Variants in ADAMTS19 observed in about 807,000 individuals in gnomAD.
The protein encoded by ADAMTS19 is A disintegrin and metalloproteinase with thrombospondin motifs 19.
A neutral mutation model predicts 153.3 loss-of-function variants in ADAMTS19; 93 were observed. The ratio of observed to expected loss-of-function variants is 0.61; its 90% CI spans 0.51 to 0.72. The LOEUF is 0.72. Among genes scored for constraint, ADAMTS19 ranks in the 30% least tolerant of loss-of-function variants. ADAMTS19 has a pLI of 0.00. For synonymous variants in ADAMTS19, 600 were observed against 556.6 expected (o/e 1.08, Z -1.10); for missense variants, 1,482 against 1,552.1 (o/e 0.95, Z 0.76).
intron 2 of ADAMTS19, among the ~76,000 whole-genome samples, chr5:129,473,486 AC>A (rs1364075406): frequency 6.6e-6 from 1 of 152,140 alleles, no homozygotes; most frequent in African/African-American, 2.4e-5. Flanking sequence ...AGTAAATAGA[AC>A]TTTAAACTTT....
At chr5:129,476,713 A>C (rs1750238825) in intron 2 of ADAMTS19, among the ~76,000 whole-genome samples, 1 of 152,172 alleles carries the variant, frequency 6.6e-6, no homozygotes, top group Non-Finnish European at 1.5e-5. Flanking sequence ...AATGTTAGGG[A>C]AATAAAGACC....
At chr5:129,574,526 G>A (rs1754033298) in intron 7 of ADAMTS19, among the ~76,000 whole-genome samples, 1 of 151,962 alleles carries the variant, frequency 6.6e-6, no homozygotes. Context: ...AACATGCAAT[G>A]TTTGGTTTTC....
intron 3 of ADAMTS19, among the ~76,000 whole-genome samples, chr5:129,517,502 T>G (rs1279295482): frequency 6.6e-6 from 1 of 151,972 alleles, no homozygotes; most frequent in Non-Finnish European, 1.5e-5. Context: ...AATTGTTATA[T>G]CCTCTTGTTG....
At chr5:129,653,799 T>C (rs914555744) in intron 13 of ADAMTS19, among the ~76,000 whole-genome samples, 1 of 152,160 alleles carries the variant, frequency 6.6e-6, no homozygotes, top group African/African-American at 2.4e-5. Context: ...TTTCTCCCTT[T>C]AGACATTTTT....
At chr5:129,485,732 TA>T (rs1485275709) in intron 2 of ADAMTS19, among the ~76,000 whole-genome samples, 3 of 152,290 alleles carry the variant, frequency 2.0e-5, no homozygotes, top group African/African-American at 4.8e-5. Flanking sequence ...AAATACATAT[TA>T]AAAATTAATT....
chr5:129,507,117 G>A (rs569308195), intron 2 of ADAMTS19, among the ~76,000 whole-genome samples: 132 of 151,948 alleles, frequency 8.7e-4, no homozygotes, highest in African/African-American at 3.0e-3. Context: ...TGGTTGAAAG[G>A]ATGTATAGAA....
chr5:129,504,030 A>ATTC (rs1751190773), intron 2 of ADAMTS19, among the ~76,000 whole-genome samples: 1 of 152,214 alleles, frequency 6.6e-6, no homozygotes, highest in African/African-American at 2.4e-5. Flanking sequence ...CTTATATCCT[A>ATTC]AGATATTCAA....
At chr5:129,597,844 G>A (rs1456784162) in intron 8 of ADAMTS19, among the ~76,000 whole-genome samples, 1 of 150,912 alleles carries the variant, frequency 6.6e-6, no homozygotes, top group African/African-American at 2.4e-5. Context: ...AGAGGTTGCA[G>A]TGAGCTGAGA....
intron 2 of ADAMTS19, among the ~76,000 whole-genome samples, chr5:129,468,428 A>G (rs1358851531): frequency 2.0e-5 from 3 of 152,182 alleles, no homozygotes; most frequent in African/African-American, 4.8e-5. Flanking sequence ...ATGTCGGCTC[A>G]CTGCAGCTTC....
rs186083330 is a variant in ADAMTS19 at position 129,599,350 on chromosome 5, T to C, written c.1478+2686T>C. On this transcript the variant is annotated intron_variant, in intron 8 of 22. Coordinates refer to ENST00000274487, the MANE Select transcript of ADAMTS19 (RefSeq NM_133638.6). ...ATAATTAATTTTACAAAGATACATG[T>C]CATCATAAATATAATTCTCATAAAA... 2.4e-4 allele frequency among the ~76,000 whole-genome samples: 36 copies of C among 152,284 alleles called. No individual in the cohort carries two copies. The East Asian group carries it at 6.9e-3, about 29-fold the overall frequency.
At chr5:129,666,338 G>A (rs1461012530) in intron 16 of ADAMTS19, among the ~76,000 whole-genome samples, 1 of 151,970 alleles carries the variant, frequency 6.6e-6, no homozygotes, top group African/African-American at 2.4e-5. Context: ...GATTATGTCA[G>A]GCAGACATTT....
intron 7 of ADAMTS19, among the ~76,000 whole-genome samples, chr5:129,575,830 T>G (rs1754079469): frequency 1.3e-5 from 2 of 152,064 alleles, no homozygotes; most frequent in African/African-American, 4.8e-5. Context: ...TACAATAATG[T>G]ATATCAGAGT....
intron 3 of ADAMTS19, among the ~76,000 whole-genome samples, chr5:129,513,393 G>C (rs924600688): frequency 1.3e-5 from 2 of 151,912 alleles, no homozygotes; most frequent in Admixed American, 1.3e-4. Flanking sequence ...CTACTTGGGA[G>C]CCTGAGGTGG....
intron 11 of ADAMTS19, among the ~76,000 whole-genome samples, chr5:129,645,069 A>C (rs1360497441): frequency 2.0e-5 from 3 of 152,136 alleles, no homozygotes; most frequent in Non-Finnish European, 4.4e-5. Flanking sequence ...GTTTTCATGA[A>C]CTTCCTATAC....
At chr5:129,683,505 G>GA (rs1754922865) in intron 17 of ADAMTS19, among the ~76,000 whole-genome samples, 1 of 152,042 alleles carries the variant, frequency 6.6e-6, no homozygotes, top group East Asian at 1.9e-4. Context: ...ACTACAAGTG[G>GA]AAAATCAGTA....
intron 17 of ADAMTS19, 94 bp downstream of exon 17, chr5:129,680,015 T>C: frequency 2.3e-6 from 3 of 1,293,982 alleles, no homozygotes; most frequent in Non-Finnish European, 3.1e-6. Context: ...CAGATTTGAA[T>C]TGTCACACAG....
At chr5:129,704,098 A>T (rs972862181) in intron 20 of ADAMTS19, 141 bp from the exon 21 acceptor site, 7 of 861,154 alleles carry the variant, frequency 8.1e-6, no homozygotes, top group Middle Eastern at 3.4e-4. Flanking sequence ...TGTTACCTTT[A>T]AACTTATTAT....
intron 21 of ADAMTS19, among the ~76,000 whole-genome samples, chr5:129,729,690 T>G (rs1757355145): frequency 6.6e-6 from 1 of 152,066 alleles, no homozygotes; most frequent in Admixed American, 6.6e-5. Context: ...ACTAACATCT[T>G]TTCTTAGACC....
intron 7 of ADAMTS19, among the ~76,000 whole-genome samples, chr5:129,582,671 C>G (rs1000203859): frequency 3.9e-5 from 6 of 152,184 alleles, no homozygotes; most frequent in Non-Finnish European, 7.4e-5. Flanking sequence ...CTCCCAGGTT[C>G]ATGCCATTCT....
Sources: allele counts gnomAD v4.1 joint callset (sites outside exome capture counted in the v4.1 genomes callset), GRCh38; gene constraint gnomAD v4.1.1; transcripts MANE v1.5; gene names NCBI Gene and HGNC (gene_info 2026-07-23, HGNC 2026-07-21).